Variants in PPARD observed in about 807,000 individuals in gnomAD.
The protein encoded by PPARD is peroxisome proliferator activated receptor delta.
In PPARD, 6 loss-of-function variants were observed where a neutral mutation model predicts 39.5. That is an observed-to-expected ratio of 0.15 (90% CI 0.08 to 0.30). The LOEUF is 0.30. Ranked by LOEUF, PPARD falls within the 10% of genes least tolerant of loss-of-function variation. The pLI, the probability that PPARD is intolerant of heterozygous loss-of-function variation, is 1.00. For missense variants in PPARD, 397 were observed against 596.8 expected (o/e 0.67, Z 3.49); for synonymous variants, 210 against 231.3 (o/e 0.91, Z 0.83).
At chr6:35,388,721 AG>A (rs1394610931) in intron 2 of PPARD, among the ~76,000 whole-genome samples, 2 of 151,920 alleles carry the variant, frequency 1.3e-5, no homozygotes, top group African/African-American at 4.8e-5. Flanking sequence ...CAAACAAAAG[AG>A]GGGAAGGTAG....
At chr6:35,355,144 A>G (rs1761497902) in intron 2 of PPARD, among the ~76,000 whole-genome samples, 1 of 152,148 alleles carries the variant, frequency 6.6e-6, no homozygotes, top group African/African-American at 2.4e-5. Context: ...CTTCCATTAA[A>G]TAGCTCCTGG....
At chr6:35,398,882 G>A (rs1764509782) in intron 2 of PPARD, among the ~76,000 whole-genome samples, 1 of 152,164 alleles carries the variant, frequency 6.6e-6, no homozygotes, top group Non-Finnish European at 1.5e-5. Flanking sequence ...GGGAGGCCAA[G>A]GTGGGTGGAT....
intron 2 of PPARD, among the ~76,000 whole-genome samples, chr6:35,403,605 G>T (rs1764837647): frequency 6.6e-6 from 1 of 152,202 alleles, no homozygotes; most frequent in Non-Finnish European, 1.5e-5. Flanking sequence ...ACCGTGCCAG[G>T]TGCTGGGACC....
chr6:35,424,296 G>A lies in PPARD; in HGVS notation c.628-33G>A, dbSNP rs747620078. 11 of 1,605,182 alleles carry A rather than the reference G, an allele frequency of 6.9e-6. No homozygotes were observed. In the Admixed American group the frequency reaches 8.4e-5, roughly 12 times the overall value. On this transcript the variant is annotated intron_variant, in intron 6 of 7. Transcript: ENST00000360694. This position sits in a 1 kb window ranked among gnomAD's most constrained non-coding sequence, Gnocchi z 7.1. ...GGGGAGCACAGGGTGGGGGTCTCCC[G>A]AGGCCTGATCTCTAACGGGGCCTGG...
intron 2 of PPARD, among the ~76,000 whole-genome samples, chr6:35,347,587 A>G (rs1358915990): frequency 1.4e-5 from 2 of 140,344 alleles, no homozygotes; most frequent in African/African-American, 2.9e-5. Flanking sequence ...GGGGGCAAAT[A>G]TATATATATA....
chr6:35,371,797 G>A (rs1293072663), intron 2 of PPARD, among the ~76,000 whole-genome samples: 1 of 152,228 alleles, frequency 6.6e-6, no homozygotes, highest in African/African-American at 2.4e-5. Flanking sequence ...ACATGAACCT[G>A]TGCTCATTGA....
chr6:35,395,691 C>T (rs1454192778), intron 2 of PPARD, among the ~76,000 whole-genome samples: 1 of 152,170 alleles, frequency 6.6e-6, no homozygotes, highest in Non-Finnish European at 1.5e-5. Context: ...AAGGGAGAGT[C>T]TAATTGGTCA....
rs71002557 is a variant in PPARD, at chr6:35,380,476, G to GTTTTTTTTTTTTTTTTTT, written c.-101-30498_-101-30481dup. On this transcript the variant is annotated intron_variant, in intron 2 of 7. Coordinates refer to ENST00000360694, the MANE Select transcript of PPARD (RefSeq NM_006238.5). ...AACCTCGTGTTTTTTTTTTTTGTTTGTTTTTTTTTTTTTTTTTTTTTTTTT... is the reference window on the plus strand; with the variant it reads ...AACCTCGTGTTTTTTTTTTTTGTTTGTTTTTTTTTTTTTTTTTTTTTTTTTTTTTTTTTTTTTTTTTTT... Among the ~76,000 whole-genome samples the GTTTTTTTTTTTTTTTTTT allele has an allele frequency of 1.1e-3, 74 of 67,142 alleles. 2 individuals carry two copies. Among genetic ancestry groups the GTTTTTTTTTTTTTTTTTT allele is most frequent in the Middle Eastern group, 0.014 (1 of 74 alleles). The allele number at this position is 67,142 out of a possible 152,430, so 44.0% of individuals were successfully genotyped here.
At chr6:35,402,474 A>C (rs779224825) in intron 2 of PPARD, among the ~76,000 whole-genome samples, 2 of 152,150 alleles carry the variant, frequency 1.3e-5, no homozygotes, top group Non-Finnish European at 1.5e-5. Context: ...CAGCTTTCCT[A>C]TCCCTGGTGA....
chr6:35,411,290 G>A, intron 3 of PPARD, 73 bp downstream of exon 3: 1 of 1,349,210 alleles, frequency 7.4e-7, no homozygotes, highest in East Asian at 2.8e-5. Flanking sequence ...CTGGCCCTCT[G>A]CAAACGCCAT....
chr6:35,413,451 A>G (rs1467977112), intron 3 of PPARD, among the ~76,000 whole-genome samples: 1 of 152,206 alleles, frequency 6.6e-6, no homozygotes, highest in African/African-American at 2.4e-5. Flanking sequence ...TAGTGTATGA[A>G]AAGTTCCCAA....
intron 3 of PPARD, among the ~76,000 whole-genome samples, chr6:35,415,633 G>A (rs1397317846): frequency 6.6e-6 from 1 of 152,172 alleles, no homozygotes; most frequent in Non-Finnish European, 1.5e-5. Flanking sequence ...TCATAATAAT[G>A]TTATTGATTA....
intron 2 of PPARD, among the ~76,000 whole-genome samples, chr6:35,409,954 G>A (rs1765317832): frequency 1.3e-5 from 2 of 152,226 alleles, no homozygotes; most frequent in Admixed American, 1.3e-4. Context: ...ACAGTGTACA[G>A]CCGAGTTGGC....
chr6:35,344,173 C>T (rs1003152208), intron 1 of PPARD, among the ~76,000 whole-genome samples: 1 of 152,052 alleles, frequency 6.6e-6, no homozygotes, highest in Non-Finnish European at 1.5e-5. Context: ...CTTGGAGTCT[C>T]TTCTCCCTCT....
rs558275286 is a variant in PPARD, at chr6:35,375,209, GTTTTTTTTTTTT to G, written c.-102+28073_-102+28084del. ...TTTTTGCCTATTTTTCTCCTTCCGA[GTTTTTTTTTTTT>G]TTTTTTTTTTTTTGGAGATGGAGTC... On this transcript the variant is annotated intron_variant, in intron 2 of 7. Coordinates refer to ENST00000360694, the MANE Select transcript of PPARD (RefSeq NM_006238.5). 3.5e-4 allele frequency among the ~76,000 whole-genome samples: 21 copies of G among 59,230 alleles called. 1 individual carries two copies. In the East Asian group the frequency reaches 4.4e-3, roughly 12 times the overall value. 38.9% of individuals were successfully genotyped at this position (59,230 alleles called of 152,430 possible). A position where few individuals can be genotyped will look rare whatever the true frequency, so the allele number is the denominator to read the frequency against.
chr6:35,400,306 C>A (rs1011940543), intron 2 of PPARD, among the ~76,000 whole-genome samples: 116 of 152,264 alleles, frequency 7.6e-4, no homozygotes, highest in African/African-American at 2.5e-3. Flanking sequence ...CATTCACAGG[C>A]GAGCAAGAGC....
chr6:35,403,475 A>G (rs1764830684), intron 2 of PPARD, among the ~76,000 whole-genome samples: 1 of 152,182 alleles, frequency 6.6e-6, no homozygotes, highest in African/African-American at 2.4e-5. Context: ...GATGGCAGTA[A>G]TATATGAAAA....
chr6:35,376,932 A>G (rs991799734), intron 2 of PPARD, among the ~76,000 whole-genome samples: 2 of 151,400 alleles, frequency 1.3e-5, no homozygotes, highest in African/African-American at 4.9e-5. Context: ...AGGCAGGAGA[A>G]TGGCATGAAC....
At chr6:35,354,223 CTCCGTCT>C (rs1310982764) in intron 2 of PPARD, among the ~76,000 whole-genome samples, 1 of 128,794 alleles carries the variant, frequency 7.8e-6, no homozygotes, top group African/African-American at 3.1e-5. Flanking sequence ...CAGAGCGAGA[CTCCGTCT>C]CAAAAAAAAA....
Sources: gnomAD v4.1 joint callset for allele counts (sites outside exome capture counted in the v4.1 genomes callset) on GRCh38, gnomAD v4.1.1 for gene constraint, Gnocchi (gnomAD v3.1) non-coding constraint, MANE v1.5 for transcripts, NCBI Gene and HGNC (gene_info 2026-07-23, HGNC 2026-07-21) for gene names.